Variants in DLX3 observed in about 807,000 individuals in gnomAD.
The protein encoded by DLX3 is homeobox protein DLX-3.
A neutral mutation model predicts 28.0 loss-of-function variants in DLX3; 9 were observed. The observed-to-expected ratio is 0.32, with a 90% CI of 0.19 to 0.56. The LOEUF (loss-of-function observed/expected upper bound fraction) is 0.56, where lower values mean the gene tolerates loss of function less well. Ranked by LOEUF, DLX3 falls within the 20% of genes least tolerant of loss-of-function variation. The pLI is 0.91. For synonymous variants in DLX3, 154 were observed against 167.9 expected, an observed-to-expected ratio of 0.92 and a Z score of 0.64; for missense variants, 313 against 378.2, an observed-to-expected ratio of 0.83 and a Z score of 1.43.
chr17:49,991,510 T>A lies in DLX3; in HGVS notation c.*7A>T. 1.9e-6 allele frequency: 3 copies of A among 1,596,634 alleles called. No individual in the cohort carries two copies. The highest frequency in any genetic ancestry group is 2.6e-6 in the Non-Finnish European group (3 of 1,176,178). ...TCCTTTGTCAAGGGTGCAGGCCAGA[T>A]GGGTGCTCAGTACACAGCCCCAGGG... On this transcript the variant is annotated 3_prime_UTR_variant, in exon 3 of 3. Transcript: ENST00000434704.
rs530687650 is a variant in DLX3, at chr17:49,994,801, G to A, written c.198C>T (p.His66=). 11 of 1,614,244 alleles carry A rather than the reference G, an allele frequency of 6.8e-6. No individual in the cohort carries two copies. In the South Asian group the frequency reaches 9.9e-5, roughly 14 times the overall value. Residue 66 remains histidine (H), a synonymous_variant, in exon 1 of 3, where the codon CAC becomes CAT. Transcript: ENST00000434704. ...YGQTVNPYTY[H]HQFNLNGLAG... Reference sequence around the variant, plus strand: ...CAAGCCCATTGAGATTGAATTGGTGGTGGTAGGTGTAGGGGTTCACCGTCT... The same window carrying A: ...CAAGCCCATTGAGATTGAATTGGTGATGGTAGGTGTAGGGGTTCACCGTCT...
chr17:49,991,451 C>A lies in DLX3; in HGVS notation c.*66G>T. Reference sequence around the variant, plus strand: ...GTGCTCCTCGATGATTCCTGAGTGGCTAGGACGGAGGCGCCTTCTGCCTGG... The same window carrying A: ...GTGCTCCTCGATGATTCCTGAGTGGATAGGACGGAGGCGCCTTCTGCCTGG... On this transcript the variant is annotated 3_prime_UTR_variant, in exon 3 of 3. Coordinates refer to ENST00000434704, the MANE Select transcript of DLX3 (RefSeq NM_005220.3). 1 of 1,381,484 alleles carries A rather than the reference C, an allele frequency of 7.2e-7. No homozygotes were observed. The highest frequency in any genetic ancestry group is 9.8e-7 in the Non-Finnish European group (1 of 1,017,950). 85.6% of individuals were successfully genotyped at this position (1,381,484 alleles called of 1,614,324 possible).
chr17:49,993,864 G>T (rs889603034), intron 1 of DLX3, among the ~76,000 whole-genome samples: 2 of 152,042 alleles, frequency 1.3e-5, no homozygotes, highest in African/African-American at 4.8e-5. Flanking sequence ...GACCGCCTCG[G>T]CTTCGCTCAC....
rs1248710227 is a variant in DLX3 at position 49,991,969 on chromosome 17, T to A, written c.517-105A>T. 5 of 1,178,382 alleles carry A rather than the reference T, an allele frequency of 4.2e-6. No homozygotes were observed. The South Asian group carries it at 5.2e-5, about 12-fold the overall frequency. The allele number at this position is 1,178,382 out of a possible 1,614,324, so 73.0% of individuals were successfully genotyped here. ...AGAAAGGCCAGAACCCAATTTCACA[T>A]AAGAATCAGGCAAAAAACAGGCCTC... On this transcript the variant is annotated intron_variant, in intron 2 of 2. Coordinates refer to ENST00000434704, the MANE Select transcript of DLX3 (RefSeq NM_005220.3).
In DLX3 at chr17:49,994,967, C is replaced by G. The variant is rs1370825778; in HGVS notation, c.32G>C (p.Ser11Thr). 2.5e-6 allele frequency: 4 copies of G among 1,612,848 alleles called. No homozygotes were observed. In the African/African-American group the frequency reaches 5.3e-5, roughly 22 times the overall value. The change falls in exon 1 of 3, where the codon AGC becomes ACC. Residue 11 changes from serine to threonine, a missense_variant. This residue lies in a region of DLX3 where 183 missense variants were observed against 197.7 expected (regional missense o/e 0.93). Coordinates refer to ENST00000434704, the MANE Select transcript of DLX3 (RefSeq NM_005220.3). ...GGAGCTGGAGATGTCGGTGAGGATG[C>G]TGCTGAGCTTGCGATCGAAGGAGCC... MSGSFDRKLSSILTDISSSLS... is the reference protein window; with the variant it reads MSGSFDRKLSTILTDISSSLS...
rs1305411736 is a variant in DLX3, at chr17:49,994,935, A to G, written c.64T>C (p.Cys22Arg). The change falls in exon 1 of 3, where the codon TGC becomes CGC. Residue 22 changes from cysteine to arginine, a missense_variant. By Grantham distance (180) the Cys-to-Arg change is radical. This residue lies in a region of DLX3 where 183 missense variants were observed against 197.7 expected (regional missense o/e 0.93). Coordinates refer to ENST00000434704, the MANE Select transcript of DLX3 (RefSeq NM_005220.3). ...GGCGAGTCCTTGGAGCCCGCATGGCAGCTAAGGGAGCTGGAGATGTCGGTG... is the reference window on the plus strand; with the variant it reads ...GGCGAGTCCTTGGAGCCCGCATGGCGGCTAAGGGAGCTGGAGATGTCGGTG... ...ILTDISSSLS[C>R]HAGSKDSPTL... 1 of 1,613,826 alleles carries G rather than the reference A, an allele frequency of 6.2e-7. No homozygotes were observed. The highest frequency in any genetic ancestry group is 2.2e-5 in the East Asian group (1 of 44,896).
chr17:49,993,345 C>T (rs1906159245), intron 2 of DLX3, 55 bp downstream of exon 2: 1 of 1,502,018 alleles, frequency 6.7e-7, no homozygotes. Context: ...CGGCAGCGCG[C>T]GGGGAACTAC....
chr17:49,992,183 T>C (rs892238977), intron 2 of DLX3, among the ~76,000 whole-genome samples: 1 of 152,140 alleles, frequency 6.6e-6, no homozygotes, highest in Non-Finnish European at 1.5e-5. Flanking sequence ...CATAGGGTCA[T>C]TCTGAGGCTC....
At chr17:49,992,205 G>A (rs1906114777) in intron 2 of DLX3, among the ~76,000 whole-genome samples, 1 of 152,024 alleles carries the variant, frequency 6.6e-6, no homozygotes, top group South Asian at 2.1e-4. Context: ...AATAAGGTAC[G>A]ACATATAAAA....
At position 49,994,746 on chromosome 17, in the gene DLX3, C is replaced by G; in HGVS notation, c.253G>C (p.Glu85Gln). The change falls in exon 1 of 3, where the codon GAA (glutamate) becomes CAA (glutamine). Residue 85 changes from glutamate to glutamine, a missense_variant. Glu to Gln is a conservative substitution (Grantham distance 29). Around this residue, in one of 3 missense-constraint regions of DLX3, gnomAD observed 183 missense variants for 197.7 expected, o/e 0.93. Coordinates refer to ENST00000434704, the MANE Select transcript of DLX3 (RefSeq NM_005220.3). ...AGTGAYSPKS[E>Q]YTYGASYRQY... ...CGGTAGGAGGCTCCGTAGGTATATT[C>G]CGACTTGGGCGAGTAAGCGCCCGTG... 6.2e-7 allele frequency: 1 copy of G among 1,614,244 alleles called. No individual in the cohort carries two copies. Among genetic ancestry groups the G allele is most frequent in the Non-Finnish European group, 8.5e-7 (1 of 1,180,040 alleles).
intron 1 of DLX3, among the ~76,000 whole-genome samples, chr17:49,994,265 T>G (rs1906203158): frequency 6.6e-6 from 1 of 151,712 alleles, no homozygotes; most frequent in Non-Finnish European, 1.5e-5. Context: ...CCCTCACGAC[T>G]CCTAGTCTCC....
In DLX3 at chr17:49,995,129, G is replaced by A. The variant is rs543871008; in HGVS notation, c.-131C>T. ...GCGAAGGGAGGACCCGGCCGCGTCTGGGGGGAGGGGGAGGCCGAGAGGCGC... is the reference window on the plus strand; with the variant it reads ...GCGAAGGGAGGACCCGGCCGCGTCTAGGGGGAGGGGGAGGCCGAGAGGCGC... On this transcript the variant is annotated 5_prime_UTR_variant, in exon 1 of 3. Coordinates refer to ENST00000434704, the MANE Select transcript of DLX3 (RefSeq NM_005220.3). 16 of 1,175,232 alleles carry A rather than the reference G, an allele frequency of 1.4e-5. No individual in the cohort carries two copies. Among genetic ancestry groups the A allele is most frequent in the Non-Finnish European group, 1.9e-5 (16 of 821,696 alleles). The allele number at this position is 1,175,232 out of a possible 1,614,324, so 72.8% of individuals were successfully genotyped here.
chr17:49,991,961 A>G, intron 2 of DLX3, 97 bp from the exon 3 acceptor site: 1 of 1,230,292 alleles, frequency 8.1e-7, no homozygotes. Flanking sequence ...CCAGAACCCA[A>G]TTTCACATAA....
Position 49,991,643 on chromosome 17 carries a change from G to A in DLX3, c.738C>T (p.Asp246=), listed in dbSNP as rs1334398838. The change falls in exon 3 of 3, where the codon GAC becomes GAT. Residue 246 remains aspartate (D), a synonymous_variant. Coordinates refer to ENST00000434704, the MANE Select transcript of DLX3 (RefSeq NM_005220.3). ...GTGCGTGATACCAGGAGTTGGTGGG[G>A]TCGTCCAGGTAGCTGGGGGAGGCAC... The part of the protein sequence containing the change: ...PYSASPSYLD[D]PTNSWYHAQN... 1 of 1,613,880 alleles carries A rather than the reference G, an allele frequency of 6.2e-7. No individual in the cohort carries two copies. Among genetic ancestry groups the A allele is most frequent in the Non-Finnish European group, 8.5e-7 (1 of 1,180,022 alleles).
In DLX3 at chr17:49,991,978, G is replaced by A. The variant is rs1230975312; in HGVS notation, c.517-114C>T. On this transcript the variant is annotated intron_variant, in intron 2 of 2. Transcript: ENST00000434704. ...AGAACCCAATTTCACATAAGAATCAGGCAAAAAACAGGCCTCCTGACTCCC... is the reference window on the plus strand; with the variant it reads ...AGAACCCAATTTCACATAAGAATCAAGCAAAAAACAGGCCTCCTGACTCCC... 2.7e-5 allele frequency: 29 copies of A among 1,073,824 alleles called. No individual in the cohort carries two copies. The Admixed American group carries it at 3.2e-4, about 12-fold the overall frequency. 66.5% of individuals were successfully genotyped at this position (1,073,824 alleles called of 1,614,324 possible).
chr17:49,994,652 CTCGCGA>C lies in DLX3; in HGVS notation c.325+16_325+21del. ...GAACCTTCCAGTGTCTCCCACTGTCCTCGCGACCCCGTGGCCCTCACCTGGGTCCTG... is the reference window on the plus strand; with the variant it reads ...GAACCTTCCAGTGTCTCCCACTGTCCCCCCGTGGCCCTCACCTGGGTCCTG... On this transcript the variant is annotated intron_variant, in intron 1 of 2. Transcript: ENST00000434704. The C allele has an allele frequency of 6.2e-7, 1 of 1,613,846 alleles. No individual in the cohort carries two copies. Among genetic ancestry groups the C allele is most frequent in the East Asian group, 2.2e-5 (1 of 44,878 alleles).
Position 49,991,802 on chromosome 17 carries a change from C to T in DLX3, c.579G>A (p.Val193=). The change falls in exon 3 of 3, where the codon GTG becomes GTA. Residue 193 remains valine, a synonymous_variant. Transcript: ENST00000434704. ...TGTTATTGGGACTGTGCTCCAGCGG[C>T]ACCTCCCCGTTCTTGTAGAGTTTCT... ...KFKKLYKNGE[V]PLEHSPNNSD... 1.2e-6 allele frequency: 2 copies of T among 1,614,104 alleles called. No homozygotes were observed. The highest frequency in any genetic ancestry group is 2.2e-5 in the East Asian group (1 of 44,884).
rs749111306 is a variant in DLX3 at position 49,993,393 on chromosome 17, C to T, written c.516+7G>A. The T allele has an allele frequency of 3.5e-5, 56 of 1,598,404 alleles. No homozygotes were observed. The Middle Eastern group carries it at 5.1e-4, about 14-fold the overall frequency. ...GCCCCCGCGGCCCTGGACAGCCAAA[C>T]ACCAACCTGTGTCTGCGTGAGGCCC... On this transcript the variant is annotated splice_region_variant and intron_variant, in intron 2 of 2. Transcript: ENST00000434704.
rs911284133 is a variant in DLX3 at position 49,991,435 on chromosome 17, G to T, written c.*82C>A. 1 of 1,244,250 alleles carries T rather than the reference G, an allele frequency of 8.0e-7. No individual in the cohort carries two copies. The highest frequency in any genetic ancestry group is 1.1e-6 in the Non-Finnish European group (1 of 906,428). The allele number at this position is 1,244,250 out of a possible 1,614,324, so 77.1% of individuals were successfully genotyped here. On this transcript the variant is annotated 3_prime_UTR_variant, in exon 3 of 3. Coordinates refer to ENST00000434704, the MANE Select transcript of DLX3 (RefSeq NM_005220.3). ...GGAGTTCCTTTTCCCTGTGCTCCTC[G>T]ATGATTCCTGAGTGGCTAGGACGGA...
Sources: allele counts gnomAD v4.1 joint callset (sites outside exome capture counted in the v4.1 genomes callset), GRCh38; gene constraint gnomAD v4.1.1; regional missense constraint gnomAD v4.1.1; transcripts MANE v1.5; gene names NCBI Gene and HGNC (gene_info 2026-07-23, HGNC 2026-07-21).